SPTLC1: variants seen among roughly 807,000 people sequenced by gnomAD.
SPTLC1 encodes serine palmitoyltransferase 1.
SPTLC1 carries 55 observed loss-of-function variants against 68.9 expected under a neutral mutation model. That is an observed-to-expected ratio of 0.80 (90% confidence interval 0.64 to 1.00). The LOEUF is 1.00. Among genes scored for constraint, SPTLC1 ranks in the 50% least tolerant of loss-of-function variants. The pLI is 0.00. For synonymous variants in SPTLC1, 197 were observed against 201.6 expected (o/e 0.98, Z 0.19); for missense variants, 449 against 573.1 (o/e 0.78, Z 2.21).
chr9:92,050,238 CTT>C, intron 8 of SPTLC1, 171 bp from the exon 9 acceptor site: 1 of 592,108 alleles, frequency 1.7e-6, no homozygotes, highest in South Asian at 2.0e-5. Context: ...CATATCAATA[CTT>C]TTTTCCTGTC....
chr9:92,071,858 C>T (rs534162665), intron 5 of SPTLC1, among the ~76,000 whole-genome samples: 10 of 152,294 alleles, frequency 6.6e-5, no homozygotes, highest in African/African-American at 2.4e-4. Context: ...ACAGGCTCTA[C>T]CCTAACTGAT....
chr9:92,083,997 G>A (rs561502050), intron 3 of SPTLC1, among the ~76,000 whole-genome samples: 96 of 152,248 alleles, frequency 6.3e-4, no homozygotes, highest in African/African-American at 2.3e-3. Flanking sequence ...CATTCTCTTT[G>A]AAGGAATTGT....
Position 92,112,584 on chromosome 9 carries a change from G to GT in SPTLC1, c.58-23dup, listed in dbSNP as rs528257571. 320 of 1,488,698 alleles carry GT rather than the reference G, an allele frequency of 2.1e-4. 2 individuals are homozygous for GT. The Middle Eastern group carries it at 3.4e-3, about 16-fold the overall frequency. The allele number at this position is 1,488,698 out of a possible 1,614,324, so 92.2% of individuals were successfully genotyped here. A position where few individuals can be genotyped will look rare whatever the true frequency, so the allele number is the denominator to read the frequency against. The stretch of plus-strand genomic sequence containing the variant: ...GAGCCTAAGAGTGAGTCAAAAACAA[G>GT]TAAGATATGAAACATACACTTCTAA... On this transcript the variant is annotated intron_variant, in intron 1 of 14. Transcript: ENST00000262554.
chr9:92,089,826 G>A (rs1192088258), intron 3 of SPTLC1, among the ~76,000 whole-genome samples: 1 of 152,142 alleles, frequency 6.6e-6, no homozygotes, highest in African/African-American at 2.4e-5. Flanking sequence ...TAGAATTTTA[G>A]AGAAAAATAA....
chr9:92,071,283 C>G (rs915446211), intron 5 of SPTLC1, among the ~76,000 whole-genome samples: 1 of 151,878 alleles, frequency 6.6e-6, no homozygotes, highest in African/African-American at 2.4e-5. Flanking sequence ...GCCTGTAATC[C>G]CAGCTACCTG....
At chr9:92,051,002 G>A in intron 8 of SPTLC1, 2 of 984,936 alleles carry the variant, frequency 2.0e-6, no homozygotes. Context: ...CACTTGAGCT[G>A]TTCCTACACT....
At position 92,051,280 on chromosome 9, in the gene SPTLC1, T is replaced by TA. The variant is rs1833696334; in HGVS notation, c.781-1214dup. The stretch of plus-strand genomic sequence containing the variant: ...TTATTCAATTAATAGACTCCTAGAT[T>TA]AAAATCTCAATGGCCGAATGCAATG... On this transcript the variant is annotated intron_variant, in intron 8 of 14. Transcript: ENST00000262554. 4.1e-6 allele frequency: 4 copies of TA among 984,302 alleles called. No individual in the cohort carries two copies. In the African/African-American group the frequency reaches 7.0e-5, roughly 17 times the overall value. 61.0% of individuals were successfully genotyped at this position (984,302 alleles called of 1,614,324 possible). A position where few individuals can be genotyped will look rare whatever the true frequency, so the allele number is the denominator to read the frequency against.
chr9:92,036,097 A>T (rs2118356461), intron 13 of SPTLC1, among the ~76,000 whole-genome samples: 1 of 152,354 alleles, frequency 6.6e-6, no homozygotes, highest in Middle Eastern at 3.4e-3. Context: ...GGAAGATTTT[A>T]AAAATGGAAG....
chr9:92,099,652 T>C (rs1003862949), intron 3 of SPTLC1, among the ~76,000 whole-genome samples: 10 of 151,976 alleles, frequency 6.6e-5, no homozygotes, highest in African/African-American at 2.4e-4. Flanking sequence ...CCTAATTTTT[T>C]GGATTCTTTG....
intron 14 of SPTLC1, among the ~76,000 whole-genome samples, chr9:92,034,450 C>A (rs1438931289): frequency 6.6e-6 from 1 of 152,220 alleles, no homozygotes; most frequent in African/African-American, 2.4e-5. Flanking sequence ...CCCCACCCCA[C>A]ACTGCCGATC....
In SPTLC1 at chr9:92,055,433, G is replaced by C. The variant is rs778109011; in HGVS notation, c.752C>G (p.Thr251Ser). 2 of 1,613,632 alleles carry C rather than the reference G, an allele frequency of 1.2e-6. No individual in the cohort carries two copies. Among genetic ancestry groups the C allele is most frequent in the Non-Finnish European group, 8.5e-7 (1 of 1,179,792 alleles). Reference protein sequence around the residue: ...FIVVEGLYMNTGTICPLPELV... With the variant: ...FIVVEGLYMNSGTICPLPELV... The stretch of plus-strand genomic sequence containing the variant: ...TTCTGGAAGAGGACAAATAGTTCCA[G>C]TATTCATATACAATCCTTCTACTAC... Residue 251 changes from threonine to serine, a missense_variant, in exon 8 of 15, where the codon ACT becomes AGT. Coordinates refer to ENST00000262554, the MANE Select transcript of SPTLC1 (RefSeq NM_006415.4).
In SPTLC1 at chr9:92,045,885, T is replaced by C. The variant is rs924819869; in HGVS notation, c.1136+114A>G. Reference sequence around the variant, plus strand: ...AATGTGAGTGAACTAAGTTTTTGGTTTCTTAGCTGCAATCTGGTCAAACTG... The same window carrying C: ...AATGTGAGTGAACTAAGTTTTTGGTCTCTTAGCTGCAATCTGGTCAAACTG... On this transcript the variant is annotated intron_variant, in intron 12 of 14. Coordinates refer to ENST00000262554, the MANE Select transcript of SPTLC1 (RefSeq NM_006415.4). The C allele has an allele frequency of 3.9e-5, 36 of 914,656 alleles. No individual in the cohort carries two copies. In the South Asian group the frequency reaches 5.4e-4, roughly 14 times the overall value. The allele number at this position is 914,656 out of a possible 1,614,324, so 56.7% of individuals were successfully genotyped here.
At chr9:92,066,114 C>T (rs968122539) in intron 6 of SPTLC1, among the ~76,000 whole-genome samples, 1 of 152,090 alleles carries the variant, frequency 6.6e-6, no homozygotes, top group Admixed American at 6.5e-5. Flanking sequence ...GTAATGGGCT[C>T]CCAGCAAGAA....
intron 5 of SPTLC1, among the ~76,000 whole-genome samples, chr9:92,072,929 C>G (rs560832613): frequency 1.3e-5 from 2 of 152,072 alleles, no homozygotes; most frequent in East Asian, 3.9e-4. Context: ...CTCCTCTTTA[C>G]CTGTTAACCC....
intron 3 of SPTLC1, among the ~76,000 whole-genome samples, chr9:92,099,838 C>T (rs1161714408): frequency 6.6e-6 from 1 of 152,122 alleles, no homozygotes; most frequent in African/African-American, 2.4e-5. Flanking sequence ...CATTTTACTA[C>T]AACTGCCTAG....
chr9:92,100,654 C>T (rs1835712722), intron 3 of SPTLC1, among the ~76,000 whole-genome samples: 1 of 152,056 alleles, frequency 6.6e-6, no homozygotes, highest in African/African-American at 2.4e-5. Context: ...GGAGTCCCAT[C>T]TCAAACTGGT....
In SPTLC1 at chr9:92,103,105, C is replaced by G. The variant is rs548041592; in HGVS notation, c.260+5635G>C. Among the ~76,000 whole-genome samples, 6 of 152,364 alleles carry G rather than the reference C, an allele frequency of 3.9e-5. No individual in the cohort carries two copies. The East Asian group carries it at 1.2e-3, about 29-fold the overall frequency. ...ACACATTCCAGGAAGACCAGAGAAACTGACTTTTATCCATATGGAATAATC... is the reference window on the plus strand; with the variant it reads ...ACACATTCCAGGAAGACCAGAGAAAGTGACTTTTATCCATATGGAATAATC... On this transcript the variant is annotated intron_variant, in intron 3 of 14. Coordinates refer to ENST00000262554, the MANE Select transcript of SPTLC1 (RefSeq NM_006415.4).
rs193127438 is a variant in SPTLC1, at chr9:92,087,237, T to C, written c.261-6274A>G. ...TTTGATCGTCTGAAGCCTTCTTCTC[T>C]CAACTCGTCAAAGTCATTCTCCATC... On this transcript the variant is annotated intron_variant, in intron 3 of 14. Coordinates refer to ENST00000262554, the MANE Select transcript of SPTLC1 (RefSeq NM_006415.4). Among the ~76,000 whole-genome samples, 405 of 152,376 alleles carry C rather than the reference T, an allele frequency of 2.7e-3. 1 individual carries two copies. The highest frequency in any genetic ancestry group is 4.6e-3 in the Non-Finnish European group (313 of 68,046).
chr9:92,061,733 G>C (rs1216679173), intron 6 of SPTLC1, among the ~76,000 whole-genome samples: 1 of 152,104 alleles, frequency 6.6e-6, no homozygotes, highest in Non-Finnish European at 1.5e-5. Flanking sequence ...GCAAATAAAG[G>C]AATGTAAAGG....
Sources: allele counts gnomAD v4.1 joint callset (sites outside exome capture counted in the v4.1 genomes callset), GRCh38; gene constraint gnomAD v4.1.1; transcripts MANE v1.5; gene names NCBI Gene and HGNC (gene_info 2026-07-23, HGNC 2026-07-21).